The following CACNA1C variants were observed in gnomAD, a reference collection of about 807,000 sequenced individuals.
CACNA1C encodes the protein calcium voltage-gated channel subunit alpha1 C.
Under a neutral mutation model 229.0 loss-of-function variants are expected in CACNA1C, and 30 were observed. That is an observed-to-expected ratio of 0.13 (90% CI 0.10 to 0.18). The LOEUF is 0.18. Among genes scored for constraint, CACNA1C ranks in the 10% least tolerant of loss-of-function variants. The pLI is 1.00. For missense variants in CACNA1C, 1,658 were observed against 2,845.0 expected, an observed-to-expected ratio of 0.58 and a Z score of 9.49; for synonymous variants, 1,114 against 1,132.5, an observed-to-expected ratio of 0.98 and a Z score of 0.33.
At chr12:2,338,154 C>A (rs2096756072) in intron 3 of CACNA1C, among the ~76,000 whole-genome samples, 1 of 152,156 alleles carries the variant, frequency 6.6e-6, no homozygotes, top group South Asian at 2.1e-4. Context: ...ACTTTAGACC[C>A]CAGTGCTGGC....
intron 3 of CACNA1C, among the ~76,000 whole-genome samples, chr12:2,340,817 C>T (rs1349619852): frequency 2.0e-5 from 3 of 152,046 alleles, no homozygotes; most frequent in Admixed American, 1.3e-4. Flanking sequence ...ATTAGCCGGG[C>T]GTGGTGGCGG....
At chr12:2,380,032 A>G (rs2098194820) in intron 3 of CACNA1C, among the ~76,000 whole-genome samples, 1 of 143,596 alleles carries the variant, frequency 7.0e-6, no homozygotes, top group Non-Finnish European at 1.5e-5. Context: ...CTCCGTCTCA[A>G]AAAAAAAAAA....
intron 3 of CACNA1C, among the ~76,000 whole-genome samples, chr12:2,383,120 C>T (rs2098291152): frequency 6.6e-6 from 1 of 152,194 alleles, no homozygotes; most frequent in Admixed American, 6.5e-5. Flanking sequence ...GCCTTCTCTT[C>T]CATAAAATGG....
chr12:1,974,687 C>T lies in CACNA1C; in HGVS notation c.139+3486C>T, dbSNP rs543114340. On this transcript the variant is annotated intron_variant, in intron 1 of 46. Coordinates refer to the CACNA1C transcript ENST00000682462. ...ATCCAAGCTATTCATATTCTAGTCG[C>T]GTTTGATAATGGCAATCCCAAGCTT... 1.4e-4 allele frequency among the ~76,000 whole-genome samples: 22 copies of T among 152,178 alleles called. No homozygotes were observed. In the South Asian group the frequency reaches 2.7e-3, roughly 19 times the overall value.
At chr12:2,187,427 C>T (rs2097071780) in intron 3 of CACNA1C, among the ~76,000 whole-genome samples, 1 of 152,170 alleles carries the variant, frequency 6.6e-6, no homozygotes, top group Non-Finnish European at 1.5e-5. Context: ...TGAGGTGGGG[C>T]GGTGGGCAGG....
chr12:2,223,205 A>G (rs76799633), intron 3 of CACNA1C, among the ~76,000 whole-genome samples: 7,006 of 152,314 alleles, frequency 0.046, 210 homozygotes, highest in African/African-American at 0.066. Context: ...TCCAAAAAGA[A>G]GCTGTGTGGT....
intron 3 of CACNA1C, among the ~76,000 whole-genome samples, chr12:2,398,354 C>T (rs1242661232): frequency 1.3e-5 from 2 of 152,174 alleles, no homozygotes; most frequent in African/African-American, 4.8e-5. Context: ...TGTGTTTTTT[C>T]ATCTCTAAAT....
At chr12:2,362,574 G>A (rs2097585182) in intron 3 of CACNA1C, among the ~76,000 whole-genome samples, 1 of 152,206 alleles carries the variant, frequency 6.6e-6, no homozygotes, top group Admixed American at 6.5e-5. Flanking sequence ...GTGCATGTGT[G>A]TCCTCTCCAG....
Position 2,268,431 on chromosome 12 carries a change from A to T in CACNA1C, c.477+148001A>T, listed in dbSNP as rs185312641. On this transcript the variant is annotated intron_variant, in intron 3 of 46. Coordinates refer to ENST00000399655, the MANE Select transcript of CACNA1C (RefSeq NM_000719.7). The stretch of plus-strand genomic sequence containing the variant: ...GCTCTTGTTCCAGAAGATTTCATGG[A>T]TTAACTCCCTGGGCTTTGGAAAATT... Among the ~76,000 whole-genome samples, 121 of 152,332 alleles carry T rather than the reference A, an allele frequency of 7.9e-4. 1 individual carries two copies. The highest frequency in any genetic ancestry group is 2.9e-3 in the African/African-American group (120 of 41,578).
At chr12:2,687,491 C>T (rs2097565280) in intron 45 of CACNA1C, among the ~76,000 whole-genome samples, 1 of 152,160 alleles carries the variant, frequency 6.6e-6, no homozygotes, top group Non-Finnish European at 1.5e-5. Context: ...TGGTCCCTAC[C>T]CTCAGGATGC....
chr12:1,997,990 CA>C lies in CACNA1C; in HGVS notation c.139+26793del, dbSNP rs1420165301. The C allele has an allele frequency of 1.9e-6, 3 of 1,605,992 alleles. No individual in the cohort carries two copies. In the African/African-American group the frequency reaches 4.0e-5, roughly 22 times the overall value. ...TCAGTTTTCTCCTAAACAATAAAAA[CA>C]AAACACACAAGACATGTATGTTCTC... is the stretch of plus-strand genomic sequence containing the variant. On this transcript the variant is annotated intron_variant, in intron 1 of 46. Transcript: ENST00000682462.
chr12:2,025,016 T>G (rs1170292728), intron 1 of CACNA1C, among the ~76,000 whole-genome samples: 1 of 152,226 alleles, frequency 6.6e-6, no homozygotes, highest in Non-Finnish European at 1.5e-5. Context: ...GATTAGGTAC[T>G]AAACTTCATT....
chr12:2,550,405 G>A (rs1360958454), intron 10 of CACNA1C: 6 of 598,246 alleles, frequency 1.0e-5, no homozygotes, highest in African/African-American at 3.8e-5. Flanking sequence ...AAGAGACAGC[G>A]AGGTTAGGGC....
intron 1 of CACNA1C, among the ~76,000 whole-genome samples, chr12:2,060,677 T>C (rs1452573407): frequency 6.6e-6 from 1 of 152,158 alleles, no homozygotes; most frequent in South Asian, 2.1e-4. Context: ...TTTCAGAACA[T>C]AGTGTTGTGA....
intron 3 of CACNA1C, among the ~76,000 whole-genome samples, chr12:2,400,961 C>A (rs144741376): frequency 7.8e-4 from 119 of 152,214 alleles, no homozygotes; most frequent in Non-Finnish European, 1.3e-4. Context: ...ATCCTCTGAG[C>A]CTTTTCTCCC....
intron 3 of CACNA1C, among the ~76,000 whole-genome samples, chr12:2,352,392 A>G (rs1593749207): frequency 6.6e-6 from 1 of 152,216 alleles, no homozygotes; most frequent in African/African-American, 2.4e-5. Context: ...ATCATACAAA[A>G]TAAGCTGCCT....
intron 3 of CACNA1C, among the ~76,000 whole-genome samples, chr12:2,312,063 T>G (rs1255536288): frequency 2.0e-5 from 3 of 152,182 alleles, no homozygotes; most frequent in Non-Finnish European, 2.9e-5. Flanking sequence ...TCTGGCTTCC[T>G]GGGAACAGGC....
At chr12:2,191,947 TACAC>T (rs2097243457) in intron 3 of CACNA1C, among the ~76,000 whole-genome samples, 1 of 139,948 alleles carries the variant, frequency 7.1e-6, no homozygotes, top group Non-Finnish European at 1.6e-5. Context: ...TGGACACTCA[TACAC>T]GCACACATGT....
chr12:2,595,748 T>G lies in CACNA1C; in HGVS notation c.2664-126T>G, dbSNP rs2067837345. 2 of 809,980 alleles carry G rather than the reference T, an allele frequency of 2.5e-6. No individual in the cohort carries two copies. Among genetic ancestry groups the G allele is most frequent in the African/African-American group, 1.7e-5 (1 of 58,426 alleles). 50.2% of individuals were successfully genotyped at this position (809,980 alleles called of 1,614,324 possible). On this transcript the variant is annotated intron_variant, in intron 19 of 46. Coordinates refer to ENST00000399655, the MANE Select transcript of CACNA1C (RefSeq NM_000719.7). The surrounding 1 kb of genome is among the most constrained non-coding windows in gnomAD (Gnocchi z 4.1). ...TAAGACTTCAGAATGAAGAGGTCAC[T>G]TCAGGCCAACAAGCACCTGTTGCCA... is the stretch of plus-strand genomic sequence containing the variant.
Sources: allele counts gnomAD v4.1 joint callset (sites outside exome capture counted in the v4.1 genomes callset), GRCh38; gene constraint gnomAD v4.1.1; non-coding constraint Gnocchi (gnomAD v3.1); transcripts MANE v1.5; gene names NCBI Gene and HGNC (gene_info 2026-07-23, HGNC 2026-07-21).